SEMA3C: variants seen among roughly 807,000 people sequenced by gnomAD.
SEMA3C encodes the protein semaphorin-3C.
In SEMA3C, 47 loss-of-function variants were observed where a neutral mutation model predicts 89.4. The ratio of observed to expected loss-of-function variants is 0.53; its 90% confidence interval spans 0.42 to 0.67. SEMA3C has a LOEUF of 0.67. Among genes scored for constraint, SEMA3C ranks in the 30% least tolerant of loss-of-function variants. SEMA3C has a pLI of 0.00. For synonymous variants in SEMA3C, 310 were observed against 320.2 expected, an observed-to-expected ratio of 0.97 and a Z score of 0.34; for missense variants, 839 against 929.1, an observed-to-expected ratio of 0.90 and a Z score of 1.26.
rs147736361 is a variant in SEMA3C at position 80,886,388 on chromosome 7, C to T, written c.103+30291G>A. 9.3e-3 allele frequency among the ~76,000 whole-genome samples: 1,390 copies of T among 149,356 alleles called. 6 individuals are homozygous for T. The highest frequency in any genetic ancestry group is 0.013 in the Non-Finnish European group (868 of 67,598). ...TTTTTTTTGGAGACAGAGTCTTGCT[C>T]TGTTGCCCAGGATGGAGTGCAGTGG... On this transcript the variant is annotated intron_variant, in intron 2 of 17. Coordinates refer to ENST00000265361, the MANE Select transcript of SEMA3C (RefSeq NM_006379.5).
At chr7:80,891,858 T>A (rs1791621620) in intron 2 of SEMA3C, among the ~76,000 whole-genome samples, 1 of 152,192 alleles carries the variant, frequency 6.6e-6, no homozygotes, top group South Asian at 2.1e-4. Flanking sequence ...AGCAGAAAAG[T>A]CATATTATTA....
chr7:80,824,681 G>A lies in SEMA3C; in HGVS notation c.327+2744C>T, dbSNP rs116362570. On this transcript the variant is annotated intron_variant, in intron 4 of 17. Transcript: ENST00000265361. ...CTCTGGAGGGATAGCATGTTTTAGT[G>A]GCTAAGGGTACAGAATCCAGAGCTG... Among the ~76,000 whole-genome samples the A allele has an allele frequency of 3.5e-3, 529 of 152,270 alleles. 4 individuals are homozygous for A. The highest frequency in any genetic ancestry group is 0.012 in the African/African-American group (495 of 41,558).
At chr7:80,840,113 A>G (rs546210364) in intron 2 of SEMA3C, among the ~76,000 whole-genome samples, 2 of 152,250 alleles carry the variant, frequency 1.3e-5, no homozygotes, top group African/African-American at 4.8e-5. Context: ...GTGTTTATAC[A>G]TAACACAGCC....
chr7:80,884,646 T>A (rs1009534512), intron 2 of SEMA3C, among the ~76,000 whole-genome samples: 1 of 152,210 alleles, frequency 6.6e-6, no homozygotes, highest in Non-Finnish European at 1.5e-5. Context: ...TTCACTCTCA[T>A]ACAAACAACG....
Position 80,804,086 on chromosome 7 carries a change from G to T in SEMA3C, c.801+20C>A, listed in dbSNP as rs538199875. 1.9e-6 allele frequency: 3 copies of T among 1,562,964 alleles called. No individual in the cohort carries two copies. Among genetic ancestry groups the T allele is most frequent in the Admixed American group, 1.8e-5 (1 of 54,256 alleles). ...GAATTTCTTGGTCTTTCTTCAAATCGGAACAGCATTAATACTTACAGGACA... is the reference window on the plus strand; with the variant it reads ...GAATTTCTTGGTCTTTCTTCAAATCTGAACAGCATTAATACTTACAGGACA... On this transcript the variant is annotated intron_variant, in intron 8 of 17. Coordinates refer to ENST00000265361, the MANE Select transcript of SEMA3C (RefSeq NM_006379.5).
At chr7:80,749,570 G>A (rs1270923368) in intron 16 of SEMA3C, among the ~76,000 whole-genome samples, 1 of 152,174 alleles carries the variant, frequency 6.6e-6, no homozygotes, top group Non-Finnish European at 1.5e-5. Context: ...GGAATCAGAG[G>A]AACGTAGGGC....
intron 12 of SEMA3C, among the ~76,000 whole-genome samples, chr7:80,777,731 C>A (rs1477921156): frequency 5.3e-5 from 8 of 152,160 alleles, no homozygotes; most frequent in Non-Finnish European, 1.2e-4. Context: ...ATGCTTGCAT[C>A]CATCATGGCT....
intron 1 of SEMA3C, among the ~76,000 whole-genome samples, chr7:80,918,140 C>G (rs1300441582): frequency 6.6e-6 from 1 of 152,160 alleles, no homozygotes; most frequent in Non-Finnish European, 1.5e-5. Context: ...TAGAAAGAAA[C>G]TGATTTTATG....
At chr7:80,843,124 C>A (rs774100174) in intron 2 of SEMA3C, among the ~76,000 whole-genome samples, 1 of 151,978 alleles carries the variant, frequency 6.6e-6, no homozygotes, top group East Asian at 1.9e-4. Flanking sequence ...GTAATAAGTT[C>A]TAATGCTCTA....
intron 12 of SEMA3C, among the ~76,000 whole-genome samples, chr7:80,769,544 G>A (rs986666645): frequency 2.0e-5 from 3 of 152,004 alleles, no homozygotes; most frequent in Non-Finnish European, 2.9e-5. Flanking sequence ...ACAAAGAAGG[G>A]CTATAAAGAT....
At chr7:80,815,524 G>T in intron 5 of SEMA3C, among the ~76,000 whole-genome samples, 1 of 73,270 alleles carries the variant, frequency 1.4e-5, no homozygotes, top group African/African-American at 5.2e-5. Context: ...GATTTTAAGG[G>T]AAAGAAACCC....
At chr7:80,753,560 A>G (rs1371912721) in intron 15 of SEMA3C, among the ~76,000 whole-genome samples, 1 of 152,202 alleles carries the variant, frequency 6.6e-6, no homozygotes, top group Non-Finnish European at 1.5e-5. Context: ...GAGATCAGCA[A>G]GGCAGCCATC....
chr7:80,760,940 T>C (rs1287236224), intron 14 of SEMA3C, among the ~76,000 whole-genome samples: 1 of 152,172 alleles, frequency 6.6e-6, no homozygotes, highest in Non-Finnish European at 1.5e-5. Context: ...TTTTAAATAA[T>C]ACCTTTTGGA....
intron 4 of SEMA3C, among the ~76,000 whole-genome samples, chr7:80,818,778 T>C (rs149751030): frequency 3.3e-5 from 5 of 152,346 alleles, no homozygotes; most frequent in East Asian, 1.9e-4. Flanking sequence ...TTGGACAAGT[T>C]TGTATTAGGC....
chr7:80,888,322 G>A (rs1424055333), intron 2 of SEMA3C, among the ~76,000 whole-genome samples: 2 of 151,926 alleles, frequency 1.3e-5, no homozygotes, highest in African/African-American at 2.4e-5. Flanking sequence ...GCCGAGGCAG[G>A]AGGATTACCT....
At chr7:80,820,776 G>A (rs1240224874) in intron 4 of SEMA3C, among the ~76,000 whole-genome samples, 1 of 152,144 alleles carries the variant, frequency 6.6e-6, no homozygotes, top group Non-Finnish European at 1.5e-5. Context: ...TGAGATATGT[G>A]TGTTTATAAT....
At chr7:80,802,052 A>C (rs143185611) in intron 9 of SEMA3C, among the ~76,000 whole-genome samples, 3 of 152,244 alleles carry the variant, frequency 2.0e-5, no homozygotes, top group Non-Finnish European at 4.4e-5. Flanking sequence ...CATTTAGTAA[A>C]TATGATGTGC....
chr7:80,900,846 T>C (rs896862627), intron 2 of SEMA3C, among the ~76,000 whole-genome samples: 5 of 152,230 alleles, frequency 3.3e-5, no homozygotes, highest in African/African-American at 1.2e-4. Flanking sequence ...TCCATCACCT[T>C]TTCTTCCTGT....
chr7:80,877,464 GAAAAA>G (rs575129279), intron 2 of SEMA3C, among the ~76,000 whole-genome samples: 1 of 148,858 alleles, frequency 6.7e-6, no homozygotes, highest in East Asian at 2.0e-4. Flanking sequence ...CCTTTATAGT[GAAAAA>G]AAAAATTAAT....
Sources: gnomAD v4.1 joint callset for allele counts (sites outside exome capture counted in the v4.1 genomes callset) on GRCh38, gnomAD v4.1.1 for gene constraint, MANE v1.5 for transcripts, NCBI Gene and HGNC (gene_info 2026-07-23, HGNC 2026-07-21) for gene names.